Variants in ECE1 observed in about 807,000 individuals in gnomAD.
ECE1 encodes the protein endothelin-converting enzyme 1.
A neutral mutation model predicts 98.6 loss-of-function variants in ECE1; 35 were observed. The observed-to-expected ratio is 0.35, with a 90% CI of 0.27 to 0.47. The LOEUF is 0.47. ECE1 is among the 20% of genes least tolerant of loss of function. The pLI, the probability that ECE1 is intolerant of heterozygous loss-of-function variation, is 1.00. For synonymous variants in ECE1, 394 were observed against 407.1 expected (o/e 0.97, Z 0.39); for missense variants, 814 against 1,025.3 (o/e 0.79, Z 2.81).
chr1:21,290,022 C>A lies in ECE1; in HGVS notation c.138+48G>T. ...GGGCGCGGCAGCGGCAGCGCGCATG[C>A]CCGGGCCCGGGGCGCCTGGACCTCG... On this transcript the variant is annotated intron_variant, in intron 2 of 18. Transcript: ENST00000374893. The surrounding 1 kb of genome is among the most constrained non-coding windows in gnomAD (Gnocchi z 7.3). The A allele has an allele frequency of 7.9e-7, 1 of 1,267,078 alleles. No homozygotes were observed. 78.5% of individuals were successfully genotyped at this position (1,267,078 alleles called of 1,614,324 possible). A position where few individuals can be genotyped will look rare whatever the true frequency, so the allele number is the denominator to read the frequency against.
At chr1:21,230,535 C>T (rs569931398) in intron 14 of ECE1, among the ~76,000 whole-genome samples, 5 of 152,158 alleles carry the variant, frequency 3.3e-5, no homozygotes, top group South Asian at 2.1e-4. Flanking sequence ...TACAAGCACC[C>T]GCCACCACGT....
Position 21,319,430 on chromosome 1 carries a change from G to A in ECE1, c.3+25946C>T, listed in dbSNP as rs147159466. On this transcript the variant is annotated intron_variant, in intron 1 of 18. Transcript: ENST00000415912. The surrounding 1 kb of genome is among the most constrained non-coding windows in gnomAD (Gnocchi z 4.4). ...TTTTCTAGAGACATGATAAGACCTC[G>A]TGTCTAAATGGCCTGGTACATACTA... 6.0e-4 allele frequency among the ~76,000 whole-genome samples: 91 copies of A among 152,278 alleles called. No individual in the cohort carries two copies. The highest frequency in any genetic ancestry group is 2.1e-3 in the African/African-American group (87 of 41,544).
chr1:21,327,736 C>T lies in ECE1; in HGVS notation c.3+17640G>A, dbSNP rs1399410992. 6.6e-6 allele frequency among the ~76,000 whole-genome samples: 1 copy of T among 152,206 alleles called. No homozygotes were observed. Among genetic ancestry groups the T allele is most frequent in the Non-Finnish European group, 1.5e-5 (1 of 68,038 alleles). ...CTACACAGCTGGGGTCCCCAGCCCC[C>T]CGGGCCTCAGACCAGTACCAGTCCA... On this transcript the variant is annotated intron_variant, in intron 1 of 18. Coordinates refer to the ECE1 transcript ENST00000415912. The surrounding 1 kb of genome is among the most constrained non-coding windows in gnomAD (Gnocchi z 4.6).
At chr1:21,305,035 G>C (rs928319593) in intron 1 of ECE1, among the ~76,000 whole-genome samples, 6 of 152,184 alleles carry the variant, frequency 3.9e-5, no homozygotes, top group African/African-American at 1.4e-4. Flanking sequence ...AAAGATCTAT[G>C]CAGAACTACG....
chr1:21,345,345 A>T lies in ECE1; in HGVS notation c.3+31T>A, dbSNP rs1256001603. ...CCCGCGACCGTCGAGGCTGGGCTGGACCGGACCAGACCTCCGCGCGCAGCA... is the reference window on the plus strand; with the variant it reads ...CCCGCGACCGTCGAGGCTGGGCTGGTCCGGACCAGACCTCCGCGCGCAGCA... On this transcript the variant is annotated intron_variant, in intron 1 of 18. Coordinates refer to the ECE1 transcript ENST00000415912. The surrounding 1 kb of genome is among the most constrained non-coding windows in gnomAD (Gnocchi z 5.1). 2.2e-6 allele frequency: 3 copies of T among 1,355,342 alleles called. No individual in the cohort carries two copies. The African/African-American group carries it at 4.5e-5, about 20-fold the overall frequency. 84.0% of individuals were successfully genotyped at this position (1,355,342 alleles called of 1,614,324 possible). A position where few individuals can be genotyped will look rare whatever the true frequency, so the allele number is the denominator to read the frequency against.
intron 1 of ECE1, among the ~76,000 whole-genome samples, chr1:21,302,893 G>GGCA (rs911686249): frequency 2.0e-5 from 3 of 152,172 alleles, no homozygotes; most frequent in Non-Finnish European, 2.9e-5. Context: ...TTGGCCCCTG[G>GGCA]GCAGCAGCAG....
intron 4 of ECE1, chr1:21,267,357 G>A (rs180750089): frequency 1.3e-5 from 2 of 152,614 alleles, no homozygotes; most frequent in African/African-American, 4.8e-5. Context: ...CGTGGCTGGG[G>A]AGGCCTCACC....
intron 8 of ECE1, among the ~76,000 whole-genome samples, chr1:21,249,220 G>A (rs551213202): frequency 1.6e-3 from 239 of 151,812 alleles, no homozygotes; most frequent in African/African-American, 5.3e-3. Flanking sequence ...GTACATGCCT[G>A]TAGTCCCAGC....
intron 1 of ECE1, among the ~76,000 whole-genome samples, chr1:21,329,326 C>T (rs1459171011): frequency 1.3e-5 from 2 of 152,314 alleles, no homozygotes; most frequent in African/African-American, 4.8e-5. Context: ...TGCTTGCTAC[C>T]GCCGACTTGC....
chr1:21,258,230 T>C lies in ECE1; in HGVS notation c.762+463A>G, dbSNP rs1036811405. ...TGAATGGTAGAGATGGGCTGGGAAC[T>C]CAGCTTTTAGGACCCCCAGCCTGGG... is the stretch of plus-strand genomic sequence containing the variant. On this transcript the variant is annotated intron_variant, in intron 6 of 18. Transcript: ENST00000374893. The surrounding 1 kb of genome is among the most constrained non-coding windows in gnomAD (Gnocchi z 4.2). Among the ~76,000 whole-genome samples, 1 of 152,192 alleles carries C rather than the reference T, an allele frequency of 6.6e-6. No individual in the cohort carries two copies. The highest frequency in any genetic ancestry group is 2.4e-5 in the African/African-American group (1 of 41,436).
chr1:21,309,878 G>A (rs1326915294), intron 1 of ECE1, among the ~76,000 whole-genome samples: 6 of 146,130 alleles, frequency 4.1e-5, no homozygotes, highest in African/African-American at 1.0e-4. Context: ...TGCAAGCTCC[G>A]CCTCCCGGGT....
Position 21,290,309 on chromosome 1 carries a change from G to A in ECE1, c.51+55C>T, listed in dbSNP as rs1469904039. 5 of 1,236,536 alleles carry A rather than the reference G, an allele frequency of 4.0e-6. No individual in the cohort carries two copies. In the East Asian group the frequency reaches 1.0e-4, roughly 25 times the overall value. 76.6% of individuals were successfully genotyped at this position (1,236,536 alleles called of 1,614,324 possible). The stretch of plus-strand genomic sequence containing the variant: ...GACCGGCCCACGGAGCGGCCCGCGC[G>A]GGGAGGGGTCCCGCCCGCCTCCCGC... On this transcript the variant is annotated intron_variant, in intron 1 of 18. Coordinates refer to ENST00000374893, the MANE Select transcript of ECE1 (RefSeq NM_001397.3). This position sits in a 1 kb window ranked among gnomAD's most constrained non-coding sequence, Gnocchi z 7.3.
At chr1:21,242,136 T>G (rs943747938) in intron 10 of ECE1, among the ~76,000 whole-genome samples, 5 of 152,164 alleles carry the variant, frequency 3.3e-5, no homozygotes, top group African/African-American at 1.2e-4. Flanking sequence ...CGTCTAATCT[T>G]AGGCGGCCCT....
intron 5 of ECE1, among the ~76,000 whole-genome samples, 162 bp from the exon 6 acceptor site, chr1:21,259,001 G>A (rs28367981): frequency 4.6e-5 from 7 of 152,202 alleles, no homozygotes; most frequent in South Asian, 2.1e-4. Flanking sequence ...GGGGGTTTCC[G>A]ACCCATGAGC....
At chr1:21,305,669 C>G (rs538686298) in intron 1 of ECE1, among the ~76,000 whole-genome samples, 49 of 152,178 alleles carry the variant, frequency 3.2e-4, no homozygotes, top group African/African-American at 1.2e-3. Context: ...CATTTCAGTT[C>G]GTGAGAGTGG....
At position 21,260,178 on chromosome 1, in the gene ECE1, T is replaced by C. The variant is rs569238155; in HGVS notation, c.615+93A>G. On this transcript the variant is annotated intron_variant, in intron 5 of 18. Transcript: ENST00000374893. This position sits in a 1 kb window ranked among gnomAD's most constrained non-coding sequence, Gnocchi z 4.3. ...GGTGCTACCGGCTGGACGTATGAGG[T>C]GGGCCAGTGGTACCAGAAGGCTGGA... 7.1e-5 allele frequency: 112 copies of C among 1,569,826 alleles called. No individual in the cohort carries two copies. In the South Asian group the frequency reaches 1.2e-3, roughly 17 times the overall value.
chr1:21,265,486 A>T (rs212538), intron 4 of ECE1, among the ~76,000 whole-genome samples: 5 of 152,020 alleles, frequency 3.3e-5, no homozygotes, highest in Admixed American at 6.5e-5. Flanking sequence ...GAGCCGAGAT[A>T]GCGCCACTGT....
Position 21,236,854 on chromosome 1 carries a change from T to C in ECE1, c.1390-10A>G. On this transcript the variant is annotated splice_polypyrimidine_tract_variant and intron_variant, in intron 11 of 18. Coordinates refer to ENST00000374893, the MANE Select transcript of ECE1 (RefSeq NM_001397.3). The stretch of plus-strand genomic sequence containing the variant: ...GGATGATCTCGGTGGCCTGAGGAGA[T>C]ACACATCACAGCAGTAAGGTCTGCG... The C allele has an allele frequency of 1.9e-6, 3 of 1,610,476 alleles. No individual in the cohort carries two copies. In the South Asian group the frequency reaches 3.3e-5, roughly 18 times the overall value.
chr1:21,301,473 C>T lies in ECE1; in HGVS notation c.4-11317G>A, dbSNP rs953322469. On this transcript the variant is annotated intron_variant, in intron 1 of 18. Transcript: ENST00000415912. ...TCACGCCACTGCACTCCAGCCTGGG[C>T]GACAGCGAGACTCCGTCTCAAAAAA... Among the ~76,000 whole-genome samples the T allele has an allele frequency of 4.6e-5, 7 of 151,022 alleles. No individual in the cohort carries two copies. The East Asian group carries it at 9.8e-4, about 21-fold the overall frequency.
Sources: gnomAD v4.1 joint callset for allele counts (sites outside exome capture counted in the v4.1 genomes callset) on GRCh38, gnomAD v4.1.1 for gene constraint, Gnocchi (gnomAD v3.1) non-coding constraint, MANE v1.5 for transcripts, NCBI Gene and HGNC (gene_info 2026-07-23, HGNC 2026-07-21) for gene names.